The following NUP155 variants were observed in gnomAD, a reference collection of about 807,000 sequenced individuals.
NUP155 encodes nucleoporin 155.
In NUP155, 71 loss-of-function variants were observed where a neutral mutation model predicts 180.4. That is an observed-to-expected ratio of 0.39 (90% CI 0.33 to 0.48). The LOEUF is 0.48. Ranked by LOEUF, NUP155 falls within the 20% of genes least tolerant of loss-of-function variation. The probability of loss-of-function intolerance (pLI) is 0.91; values close to 1 mark genes in which losing one functional copy is unlikely to be tolerated. For missense variants in NUP155, 1,553 were observed against 1,648.9 expected, an observed-to-expected ratio of 0.94 and a Z score of 1.01; for synonymous variants, 582 against 559.5, an observed-to-expected ratio of 1.04 and a Z score of -0.57.
chr5:37,305,889 AC>A (rs1218930425), intron 25 of NUP155, among the ~76,000 whole-genome samples: 1 of 151,180 alleles, frequency 6.6e-6, no homozygotes, highest in African/African-American at 2.4e-5. Flanking sequence ...AAAAAACAAA[AC>A]CCCCCAAAAA....
chr5:37,310,060 T>A (rs529414540), intron 23 of NUP155, among the ~76,000 whole-genome samples: 1 of 151,776 alleles, frequency 6.6e-6, no homozygotes, highest in East Asian at 1.9e-4. Flanking sequence ...AAAGGAGGGC[T>A]GGGCATGGTG....
Position 37,291,970 on chromosome 5 carries a change from G to T in NUP155, c.4106C>A (p.Ser1369Ter). Residue 1369 changes from serine to a stop codon, truncating the protein, a stop_gained, in exon 35 of 35, where the codon TCG becomes TAG. Coordinates refer to ENST00000231498, the MANE Select transcript of NUP155 (RefSeq NM_153485.3). LOFTEE classifies it high-confidence loss of function. ...AGTGATGGCTTGTACTGCTACTGAC[G>T]AGCTCATAGACTGGAGCTCAACAAG... ...GYLVELQSMS[S>*]SVAVQAITGN... is the part of the protein sequence containing the mutation. 2 of 1,613,820 alleles carry T rather than the reference G, an allele frequency of 1.2e-6. No individual in the cohort carries two copies. The highest frequency in any genetic ancestry group is 1.7e-5 in the Admixed American group (1 of 60,012).
chr5:37,330,271 T>C, intron 14 of NUP155, 139 bp from the exon 15 acceptor site: 3 of 679,968 alleles, frequency 4.4e-6, no homozygotes, highest in Non-Finnish European at 5.3e-6. Flanking sequence ...ATGAAATCAG[T>C]TAGTGTTAAA....
chr5:37,361,244 C>T (rs1454510557), intron 3 of NUP155, among the ~76,000 whole-genome samples: 33 of 122,690 alleles, frequency 2.7e-4, no homozygotes, highest in African/African-American at 1.1e-3. Flanking sequence ...CCAGCCTGGG[C>T]GACAGAGCGA....
rs1449559084 is a variant in NUP155, at chr5:37,334,117, T to A, written c.1348-484A>T. On this transcript the variant is annotated intron_variant, in intron 12 of 34. Coordinates refer to ENST00000231498, the MANE Select transcript of NUP155 (RefSeq NM_153485.3). ...CACCTGGCCTCTGGGGTTTTTTTTT[T>A]TTGAGACAGCATCTTACTCTGTCAC... is the stretch of plus-strand genomic sequence containing the variant. Among the ~76,000 whole-genome samples the A allele has an allele frequency of 1.3e-4, 20 of 151,710 alleles. 1 individual carries two copies. The highest frequency in any genetic ancestry group is 7.4e-5 in the Non-Finnish European group (5 of 67,908).
intron 3 of NUP155, among the ~76,000 whole-genome samples, chr5:37,361,453 C>T (rs1165432729): frequency 6.6e-6 from 1 of 152,050 alleles, no homozygotes; most frequent in East Asian, 1.9e-4. Context: ...AAGAAAGCTT[C>T]CAGTCATCCT....
At chr5:37,348,352 C>A (rs889676881) in intron 9 of NUP155, among the ~76,000 whole-genome samples, 153 bp downstream of exon 9, 1 of 152,052 alleles carries the variant, frequency 6.6e-6, no homozygotes, top group African/African-American at 2.4e-5. Flanking sequence ...CTAACAGCTC[C>A]ATTTCAAACA....
In NUP155 at chr5:37,314,179, A is replaced by G; in HGVS notation, c.2436+19T>C. 1.3e-6 allele frequency: 2 copies of G among 1,572,656 alleles called. No homozygotes were observed. Among genetic ancestry groups the G allele is most frequent in the Non-Finnish European group, 8.7e-7 (1 of 1,145,890 alleles). On this transcript the variant is annotated intron_variant, in intron 22 of 34. Transcript: ENST00000231498. ...ACATAGTATTAATGGTATAATCATA[A>G]AAAAATAAAAAAAATTACCTTCTGA... is the stretch of plus-strand genomic sequence containing the variant.
chr5:37,340,426 C>A (rs1043080901), intron 11 of NUP155, among the ~76,000 whole-genome samples: 28 of 149,830 alleles, frequency 1.9e-4, no homozygotes, highest in Admixed American at 1.3e-4. Flanking sequence ...GCCTCGGCAA[C>A]AGAGCCAGAC....
At position 37,288,412 on chromosome 5, in the gene NUP155, C is replaced by G. The variant is rs1356924177; in HGVS notation, c.*3488G>C. ...TAAAGAAACACTAAATGTACATGTACATCAGTCAGTATCTCATAGCATAAA... is the reference window on the plus strand; with the variant it reads ...TAAAGAAACACTAAATGTACATGTAGATCAGTCAGTATCTCATAGCATAAA... On this transcript the variant is annotated 3_prime_UTR_variant, in exon 35 of 35. Transcript: ENST00000231498. The G allele has an allele frequency of 6.6e-6, 1 of 151,986 alleles. No individual in the cohort carries two copies. Among genetic ancestry groups the G allele is most frequent in the African/African-American group, 2.4e-5 (1 of 41,278 alleles). 9.4% of individuals were successfully genotyped at this position (151,986 alleles called of 1,614,324 possible). A position where few individuals can be genotyped will look rare whatever the true frequency, so the allele number is the denominator to read the frequency against.
At chr5:37,353,816 T>C (rs185180693) in intron 4 of NUP155, among the ~76,000 whole-genome samples, 5 of 152,272 alleles carry the variant, frequency 3.3e-5, no homozygotes, top group East Asian at 1.9e-4. Flanking sequence ...TTTTAGTTAA[T>C]AGGTACAGTT....
chr5:37,307,268 T>G (rs373942867), intron 25 of NUP155, 29 bp downstream of exon 25: 1 of 1,610,038 alleles, frequency 6.2e-7, no homozygotes, highest in African/African-American at 1.3e-5. Flanking sequence ...TCCATAAAGA[T>G]GACAATCTGC....
In NUP155 at chr5:37,291,950, T is replaced by C. The variant is rs1286550923; in HGVS notation, c.4126A>G (p.Ile1376Val). 2.5e-6 allele frequency: 4 copies of C among 1,614,084 alleles called. No homozygotes were observed. Residue 1376 changes from isoleucine (I) to valine (V), a missense_variant, in exon 35 of 35, where the codon ATC becomes GTC. By Grantham distance (29) the Ile-to-Val change is conservative (BLOSUM62 3). Coordinates refer to ENST00000231498, the MANE Select transcript of NUP155 (RefSeq NM_153485.3). ...SMSSSVAVQAITGNFKSLQAK... is the reference protein window; with the variant it reads ...SMSSSVAVQAVTGNFKSLQAK... ...TGAAGAGATTTAAAATTCCCAGTGA[T>C]GGCTTGTACTGCTACTGACGAGCTC... is the stretch of plus-strand genomic sequence containing the variant.
intron 32 of NUP155, among the ~76,000 whole-genome samples, chr5:37,298,237 C>CA (rs11390520): frequency 0.03 from 2,998 of 100,430 alleles, 66 homozygotes; most frequent in African/African-American, 0.083. Flanking sequence ...GCCTCTGTCT[C>CA]AAAAAAAAAA....
intron 28 of NUP155, 47 bp downstream of exon 28, chr5:37,303,213 T>C: frequency 1.3e-6 from 2 of 1,597,594 alleles, no homozygotes; most frequent in Non-Finnish European, 1.7e-6. Context: ...TAAGTACATA[T>C]AGCTCAGTTT....
chr5:37,366,105 G>A (rs1174021048), intron 1 of NUP155, among the ~76,000 whole-genome samples: 1 of 152,050 alleles, frequency 6.6e-6, no homozygotes, highest in Middle Eastern at 3.2e-3. Flanking sequence ...GCTCTATAAA[G>A]TGTTCTCATG....
chr5:37,313,531 C>T (rs1743668561), intron 22 of NUP155, among the ~76,000 whole-genome samples: 1 of 151,544 alleles, frequency 6.6e-6, no homozygotes, highest in African/African-American at 2.4e-5. Context: ...GACAGGGTCT[C>T]ACTCTGTCAC....
chr5:37,354,613 C>A (rs1746691996), intron 4 of NUP155, among the ~76,000 whole-genome samples: 1 of 151,394 alleles, frequency 6.6e-6, no homozygotes, highest in Admixed American at 6.6e-5. Context: ...CATGCACCAC[C>A]ATGCCTGGCT....
intron 22 of NUP155, among the ~76,000 whole-genome samples, chr5:37,312,275 CA>C (rs1743576268): frequency 6.6e-6 from 1 of 151,304 alleles, no homozygotes; most frequent in Non-Finnish European, 1.5e-5. Flanking sequence ...TATTCTTCCT[CA>C]AAAAAGGACC....
Sources: gnomAD v4.1 joint callset for allele counts (sites outside exome capture counted in the v4.1 genomes callset) on GRCh38, gnomAD v4.1.1 for gene constraint, MANE v1.5 for transcripts, NCBI Gene and HGNC (gene_info 2026-07-23, HGNC 2026-07-21) for gene names.